Variants in ZNF385D observed in about 807,000 individuals in gnomAD.
The protein encoded by ZNF385D is zinc finger protein 659.
A neutral mutation model predicts 35.8 loss-of-function variants in ZNF385D; 15 were observed. That is an observed-to-expected ratio of 0.42 (90% CI 0.28 to 0.64). ZNF385D has a LOEUF of 0.64. Ranked by LOEUF, ZNF385D falls within the 30% of genes least tolerant of loss-of-function variation. The pLI is 0.23. For missense variants in ZNF385D, 474 were observed against 494.6 expected (o/e 0.96, Z 0.39); for synonymous variants, 212 against 186.8 (o/e 1.13, Z -1.10).
At chr3:21,905,364 ACTTTT>A (rs1298117367) in intron 3 of ZNF385D, among the ~76,000 whole-genome samples, 7 of 152,110 alleles carry the variant, frequency 4.6e-5, no homozygotes, top group African/African-American at 1.2e-4. Flanking sequence ...ATAGCAGCAG[ACTTTT>A]CTTTTATCAC....
Position 21,751,185 on chromosome 3 carries a change from C to T in ZNF385D, c.-269G>A, listed in dbSNP as rs551787482. The T allele has an allele frequency of 9.5e-5, 131 of 1,380,206 alleles. No individual in the cohort carries two copies. The African/African-American group carries it at 1.8e-3, about 19-fold the overall frequency. The allele number at this position is 1,380,206 out of a possible 1,614,324, so 85.5% of individuals were successfully genotyped here. On this transcript the variant is annotated 5_prime_UTR_variant, in exon 1 of 8. Coordinates refer to ENST00000281523, the MANE Select transcript of ZNF385D (RefSeq NM_024697.3). ...TAATCCGACTCCTCCTTGCGATGTC[C>T]TTGCCGCGCCTGTGACATCAGGACT... is the stretch of plus-strand genomic sequence containing the variant.
intron 3 of ZNF385D, among the ~76,000 whole-genome samples, chr3:22,047,712 G>A (rs1699090160): frequency 6.6e-6 from 1 of 152,104 alleles, no homozygotes; most frequent in African/African-American, 2.4e-5. Flanking sequence ...GAACATGGGA[G>A]TGCAGTTATC....
chr3:22,305,623 A>T (rs958445281), intron 2 of ZNF385D, among the ~76,000 whole-genome samples: 18 of 152,172 alleles, frequency 1.2e-4, no homozygotes, highest in Non-Finnish European at 1.9e-4. Flanking sequence ...CCAACTCTTA[A>T]GAACTTGTGC....
At chr3:21,959,188 G>A (rs1400283512) in intron 3 of ZNF385D, among the ~76,000 whole-genome samples, 1 of 152,106 alleles carries the variant, frequency 6.6e-6, no homozygotes, top group African/African-American at 2.4e-5. Context: ...TGAGAATCTT[G>A]TGCTTTTCCT....
At chr3:21,770,063 T>C (rs1200607546) in intron 3 of ZNF385D, among the ~76,000 whole-genome samples, 1 of 152,192 alleles carries the variant, frequency 6.6e-6, no homozygotes, top group Admixed American at 6.5e-5. Flanking sequence ...GATCCCTTCC[T>C]TATACCTTAT....
chr3:22,010,582 A>G (rs543842110), intron 3 of ZNF385D, among the ~76,000 whole-genome samples: 1 of 152,326 alleles, frequency 6.6e-6, no homozygotes, highest in African/African-American at 2.4e-5. Context: ...AACTACATTT[A>G]AAGCCTAGAA....
At chr3:22,082,440 T>G (rs1376517703) in intron 3 of ZNF385D, among the ~76,000 whole-genome samples, 3 of 152,148 alleles carry the variant, frequency 2.0e-5, no homozygotes, top group Non-Finnish European at 4.4e-5. Flanking sequence ...CAGGGAGACT[T>G]GCTCACTGCT....
chr3:21,513,696 C>G (rs1707375027), intron 3 of ZNF385D, among the ~76,000 whole-genome samples: 1 of 151,958 alleles, frequency 6.6e-6, no homozygotes, highest in East Asian at 1.9e-4. Flanking sequence ...AGTGGGCATA[C>G]AAGTTGGAAG....
At chr3:21,823,627 A>G (rs905695163) in intron 3 of ZNF385D, among the ~76,000 whole-genome samples, 2 of 152,202 alleles carry the variant, frequency 1.3e-5, no homozygotes, top group African/African-American at 4.8e-5. Flanking sequence ...CACACAGTCA[A>G]TAGCAATATC....
intron 3 of ZNF385D, among the ~76,000 whole-genome samples, chr3:21,828,513 A>G (rs1694795931): frequency 6.6e-6 from 1 of 152,200 alleles, no homozygotes; most frequent in African/African-American, 2.4e-5. Flanking sequence ...AACCTACATC[A>G]TTTTGACATT....
chr3:22,228,000 C>T (rs1352588330), intron 2 of ZNF385D, among the ~76,000 whole-genome samples: 5 of 152,102 alleles, frequency 3.3e-5, no homozygotes, highest in African/African-American at 4.8e-5. Flanking sequence ...GCCAAGAACC[C>T]GCCTAAACTA....
intron 2 of ZNF385D, among the ~76,000 whole-genome samples, chr3:22,185,272 A>G (rs1695553772): frequency 6.6e-6 from 1 of 152,220 alleles, no homozygotes; most frequent in African/African-American, 2.4e-5. Context: ...ATTAAATGGC[A>G]TAATAGGCAA....
At chr3:22,160,628 G>A (rs897764630) in intron 3 of ZNF385D, among the ~76,000 whole-genome samples, 1 of 152,028 alleles carries the variant, frequency 6.6e-6, no homozygotes, top group Non-Finnish European at 1.5e-5. Flanking sequence ...TCTGTTAAAT[G>A]AAAGAAAATT....
intron 4 of ZNF385D, among the ~76,000 whole-genome samples, chr3:21,462,826 A>G (rs933970316): frequency 1.3e-5 from 2 of 152,226 alleles, no homozygotes; most frequent in African/African-American, 2.4e-5. Flanking sequence ...TACTAAATAT[A>G]TAAAAATTAG....
chr3:21,905,213 A>AC (rs1699615595), intron 3 of ZNF385D, among the ~76,000 whole-genome samples: 1 of 148,990 alleles, frequency 6.7e-6, no homozygotes, highest in Admixed American at 7.0e-5. Context: ...TCCAAAAAAA[A>AC]AAAAAAAAAA....
intron 1 of ZNF385D, among the ~76,000 whole-genome samples, chr3:21,684,365 C>CCTCTCTCTCTCTCT (rs373105142): frequency 4.1e-5 from 3 of 73,378 alleles, no homozygotes; most frequent in Admixed American, 1.9e-4. Context: ...TAACTGTTCT[C>CCTCTCTCTCTCTCT]CTCTCTCTCT....
At chr3:22,185,120 A>T (rs979740181) in intron 2 of ZNF385D, among the ~76,000 whole-genome samples, 1 of 152,180 alleles carries the variant, frequency 6.6e-6, no homozygotes, top group African/African-American at 2.4e-5. Context: ...ATGAGAGAGC[A>T]ATCTACTTTA....
chr3:22,044,724 T>C (rs1389165049), intron 3 of ZNF385D, among the ~76,000 whole-genome samples: 2 of 151,930 alleles, frequency 1.3e-5, no homozygotes, highest in Admixed American at 6.6e-5. Context: ...GTGGAGAGAA[T>C]GGATACACTT....
At chr3:21,648,261 C>T (rs2065811903) in intron 2 of ZNF385D, among the ~76,000 whole-genome samples, 2 of 152,100 alleles carry the variant, frequency 1.3e-5, no homozygotes, top group African/African-American at 4.8e-5. Context: ...CTTGCATTTC[C>T]CCTGCTTGCT....
Sources: gnomAD v4.1 joint callset for allele counts (sites outside exome capture counted in the v4.1 genomes callset) on GRCh38, gnomAD v4.1.1 for gene constraint, MANE v1.5 for transcripts, NCBI Gene and HGNC (gene_info 2026-07-23, HGNC 2026-07-21) for gene names.